Variants in PIGL observed in about 807,000 individuals in gnomAD.
PIGL encodes phosphatidylinositol glycan anchor biosynthesis class L, also known as N-acetylglucosaminyl-phosphatidylinositol de-N-acetylase.
In PIGL, 22 loss-of-function variants were observed where a neutral mutation model predicts 31.1. That is an observed-to-expected ratio of 0.71 (90% CI 0.51 to 1.01). The LOEUF is 1.01. PIGL is among the 50% of genes least tolerant of loss of function. PIGL has a pLI of 0.00. For missense variants in PIGL, 302 were observed against 315.9 expected (o/e 0.96, Z 0.33); for synonymous variants, 131 against 117.4 (o/e 1.12, Z -0.75).
At chr17:16,246,227 T>A (rs1174369022) in intron 2 of PIGL, among the ~76,000 whole-genome samples, 2 of 151,482 alleles carry the variant, frequency 1.3e-5, no homozygotes, top group Non-Finnish European at 2.9e-5. Context: ...CTATTAAAAG[T>A]AAGTACTTCA....
At chr17:16,221,868 C>T (rs929366572) in intron 1 of PIGL, among the ~76,000 whole-genome samples, 2 of 152,130 alleles carry the variant, frequency 1.3e-5, no homozygotes, top group Non-Finnish European at 2.9e-5. Context: ...ATTCGCCCAC[C>T]TCGGCCTCCC....
At chr17:16,240,977 G>A (rs1443633566) in intron 2 of PIGL, among the ~76,000 whole-genome samples, 1 of 151,598 alleles carries the variant, frequency 6.6e-6, no homozygotes, top group African/African-American at 2.4e-5. Context: ...AGCCGGGTGT[G>A]GTGGCACATC....
intron 4 of PIGL, among the ~76,000 whole-genome samples, chr17:16,316,114 G>A (rs528603833): frequency 2.0e-5 from 3 of 152,076 alleles, no homozygotes; most frequent in Non-Finnish European, 2.9e-5. Context: ...GTTCATATGT[G>A]TGTCTGTGTG....
chr17:16,220,454 CTTTA>C (rs968846573), intron 1 of PIGL, among the ~76,000 whole-genome samples: 5 of 125,004 alleles, frequency 4.0e-5, no homozygotes, highest in African/African-American at 9.4e-5. Context: ...GTTATTTATT[CTTTA>C]TTTGTGTTTT....
At chr17:16,324,047 C>G (rs1490647934) in intron 6 of PIGL, among the ~76,000 whole-genome samples, 1 of 151,886 alleles carries the variant, frequency 6.6e-6, no homozygotes, top group Admixed American at 6.6e-5. Flanking sequence ...ACCTCTGCCT[C>G]CTGGGTTCAA....
intron 2 of PIGL, among the ~76,000 whole-genome samples, chr17:16,259,368 G>T (rs979548541): frequency 6.7e-6 from 1 of 149,568 alleles, no homozygotes; most frequent in African/African-American, 2.5e-5. Flanking sequence ...CATGGGGAAA[G>T]AATACTCTTT....
At chr17:16,300,548 G>C (rs2142836628) in intron 3 of PIGL, among the ~76,000 whole-genome samples, 1 of 152,196 alleles carries the variant, frequency 6.6e-6, no homozygotes, top group East Asian at 1.9e-4. Context: ...GGGCGTGGTG[G>C]CATGTGCCTG....
chr17:16,221,076 A>G (rs2092626621), intron 1 of PIGL, among the ~76,000 whole-genome samples: 1 of 152,214 alleles, frequency 6.6e-6, no homozygotes, highest in South Asian at 2.1e-4. Context: ...ACAAGAAAAA[A>G]CAAAATGATA....
chr17:16,317,913 G>A lies in PIGL; in HGVS notation c.660+5G>A. ...AAAGAAGTGGCACAGGCCAAGGTGA[G>A]GATTGTAAATTCCTGGACACCCCAA... On this transcript the variant is annotated splice_donor_5th_base_variant and intron_variant, in intron 6 of 6. Transcript: ENST00000225609. 6.2e-7 allele frequency: 1 copy of A among 1,610,430 alleles called. No homozygotes were observed. The highest frequency in any genetic ancestry group is 8.5e-7 in the Non-Finnish European group (1 of 1,179,724).
At chr17:16,309,232 C>T (rs1003454287) in intron 3 of PIGL, among the ~76,000 whole-genome samples, 10 of 152,100 alleles carry the variant, frequency 6.6e-5, no homozygotes, top group Non-Finnish European at 1.5e-4. Flanking sequence ...GTCAAGGCTA[C>T]GGTGAGCTAT....
intron 6 of PIGL, among the ~76,000 whole-genome samples, chr17:16,323,220 G>A (rs1293283883): frequency 6.6e-6 from 1 of 151,772 alleles, no homozygotes; most frequent in Non-Finnish European, 1.5e-5. Flanking sequence ...GCATGGCTGT[G>A]TGTGTATATG....
intron 2 of PIGL, among the ~76,000 whole-genome samples, chr17:16,240,720 T>C (rs1229482247): frequency 6.6e-6 from 1 of 151,922 alleles, no homozygotes; most frequent in Non-Finnish European, 1.5e-5. Context: ...AAGCAGGTCT[T>C]GAACTCCTGG....
At chr17:16,281,313 T>C (rs1004024355) in intron 2 of PIGL, among the ~76,000 whole-genome samples, 1 of 152,196 alleles carries the variant, frequency 6.6e-6, no homozygotes, top group Non-Finnish European at 1.5e-5. Context: ...AGATGCTAAT[T>C]CTAGGAATGT....
chr17:16,241,452 GT>G (rs1489953507), intron 2 of PIGL, among the ~76,000 whole-genome samples: 4 of 151,606 alleles, frequency 2.6e-5, no homozygotes, highest in Admixed American at 1.3e-4. Context: ...GCCGTGTGTG[GT>G]GGTGCATGGA....
intron 2 of PIGL, among the ~76,000 whole-genome samples, chr17:16,246,538 G>T (rs946867471): frequency 6.6e-6 from 1 of 151,700 alleles, no homozygotes; most frequent in Admixed American, 6.6e-5. Flanking sequence ...ACTTAAAGAA[G>T]CCAGTTTGAA....
chr17:16,246,247 C>T (rs1307772383), intron 2 of PIGL, among the ~76,000 whole-genome samples: 4 of 151,508 alleles, frequency 2.6e-5, no homozygotes, highest in Non-Finnish European at 2.9e-5. Flanking sequence ...AGGCCGGGTG[C>T]GGTGGCTCAC....
chr17:16,290,489 G>T (rs2092955942), intron 2 of PIGL, among the ~76,000 whole-genome samples: 2 of 151,934 alleles, frequency 1.3e-5, no homozygotes, highest in South Asian at 4.1e-4. Flanking sequence ...GATCTCCCAG[G>T]CTCAAGTGAT....
At chr17:16,295,193 C>T (rs1376466936) in intron 2 of PIGL, among the ~76,000 whole-genome samples, 2 of 151,590 alleles carry the variant, frequency 1.3e-5, no homozygotes, top group Non-Finnish European at 2.9e-5. Context: ...CATCTGAGGT[C>T]AGGAGTTCTA....
At chr17:16,302,422 T>C (rs1389908078) in intron 3 of PIGL, among the ~76,000 whole-genome samples, 7 of 152,096 alleles carry the variant, frequency 4.6e-5, no homozygotes, top group Non-Finnish European at 8.8e-5. Flanking sequence ...AGCCTCGATA[T>C]GTAGACAGAG....
Sources: gnomAD v4.1 joint callset for allele counts (sites outside exome capture counted in the v4.1 genomes callset) on GRCh38, gnomAD v4.1.1 for gene constraint, MANE v1.5 for transcripts, NCBI Gene and HGNC (gene_info 2026-07-23, HGNC 2026-07-21) for gene names.